The following ST3GAL6 variants were observed in gnomAD, a reference collection of about 807,000 sequenced individuals.
ST3GAL6 encodes ST3 beta-galactoside alpha-2,3-sialyltransferase 6, also known as type 2 lactosamine alpha-2,3-sialyltransferase.
A neutral mutation model predicts 40.5 loss-of-function variants in ST3GAL6; 31 were observed. The ratio of observed to expected loss-of-function variants is 0.77; its 90% CI spans 0.58 to 1.03. The LOEUF is 1.03. Ranked by LOEUF, ST3GAL6 falls within the 50% of genes least tolerant of loss-of-function variation. The pLI is 0.00. For missense variants in ST3GAL6, 357 were observed against 393.2 expected (o/e 0.91, Z 0.78); for synonymous variants, 129 against 136.9 (o/e 0.94, Z 0.40).
chr3:98,743,864 C>T (rs1576031037), intron 1 of ST3GAL6, among the ~76,000 whole-genome samples: 1 of 152,112 alleles, frequency 6.6e-6, no homozygotes, highest in Non-Finnish European at 1.5e-5. Context: ...GCCTTGGGCA[C>T]CCCAACGAGG....
At chr3:98,756,483 C>T in intron 1 of ST3GAL6, 1 of 1,289,016 alleles carries the variant, frequency 7.8e-7, no homozygotes, top group Non-Finnish European at 1.0e-6. Context: ...CCCTCTTTCG[C>T]AAATTCTCCA....
At chr3:98,781,450 A>G (rs1940112425) in intron 5 of ST3GAL6, among the ~76,000 whole-genome samples, 2 of 150,756 alleles carry the variant, frequency 1.3e-5, no homozygotes, top group Admixed American at 6.6e-5. Context: ...CACGTTCTGC[A>G]CATGTATCCC....
intron 1 of ST3GAL6, chr3:98,732,929 CGGTGCG>C: frequency 6.6e-7 from 1 of 1,509,112 alleles, no homozygotes; most frequent in Non-Finnish European, 8.8e-7. Context: ...TCTCGGAGCC[CGGTGCG>C]CCTCTGCGGT....
chr3:98,768,328 T>G, intron 1 of ST3GAL6, 102 bp from the exon 2 acceptor site: 1 of 850,002 alleles, frequency 1.2e-6, no homozygotes, highest in Admixed American at 2.1e-5. Flanking sequence ...CTATAGTTCC[T>G]TTTGTATATT....
intron 5 of ST3GAL6, among the ~76,000 whole-genome samples, chr3:98,781,612 A>G (rs762823248): frequency 7.9e-5 from 12 of 152,102 alleles, no homozygotes; most frequent in Admixed American, 5.2e-4. Flanking sequence ...TTGCCCCTGC[A>G]TGTTCCATGT....
At chr3:98,732,942 C>T in intron 1 of ST3GAL6, 2 of 1,511,766 alleles carry the variant, frequency 1.3e-6, no homozygotes, top group Non-Finnish European at 1.8e-6. Context: ...TGCGCCTCTG[C>T]GGTCGTCGCT....
chr3:98,759,765 G>T (rs1432897422), upstream of ST3GAL6, among the ~76,000 whole-genome samples: 1 of 152,174 alleles, frequency 6.6e-6, no homozygotes, highest in Non-Finnish European at 1.5e-5. Context: ...TGGAAATGTT[G>T]TAAATATGTG....
intron 5 of ST3GAL6, among the ~76,000 whole-genome samples, chr3:98,778,958 CTG>C (rs1410599862): frequency 6.6e-6 from 1 of 152,176 alleles, no homozygotes; most frequent in African/African-American, 2.4e-5. Context: ...GCTGTACAGA[CTG>C]TGGATTGCAC....
intron 7 of ST3GAL6, 44 bp downstream of exon 7, chr3:98,788,266 T>G: frequency 6.3e-6 from 10 of 1,582,688 alleles, no homozygotes; most frequent in Non-Finnish European, 7.7e-6. Flanking sequence ...CCTTTAGTGC[T>G]TTTTTTCCTT....
intron 1 of ST3GAL6, among the ~76,000 whole-genome samples, chr3:98,736,739 A>G (rs1185750307): frequency 1.3e-5 from 2 of 152,234 alleles, no homozygotes; most frequent in African/African-American, 2.4e-5. Context: ...TGGACACAGC[A>G]AAGCCCCTGC....
chr3:98,787,463 C>T (rs1479437797), intron 6 of ST3GAL6, among the ~76,000 whole-genome samples: 1 of 152,178 alleles, frequency 6.6e-6, no homozygotes, highest in Admixed American at 6.5e-5. Flanking sequence ...CATACACAAA[C>T]CCAACAGTAG....
chr3:98,760,421 T>C (rs1270756285), upstream of ST3GAL6, among the ~76,000 whole-genome samples: 1 of 152,234 alleles, frequency 6.6e-6, no homozygotes, highest in Admixed American at 6.5e-5. Flanking sequence ...TTAATTCTCG[T>C]AGCAGATAAT....
chr3:98,769,313 C>T (rs750470118), intron 2 of ST3GAL6, among the ~76,000 whole-genome samples: 26 of 152,276 alleles, frequency 1.7e-4, no homozygotes, highest in African/African-American at 3.1e-4. Flanking sequence ...CATGGAAGGA[C>T]GTTAGGCAAA....
intron 1 of ST3GAL6, among the ~76,000 whole-genome samples, chr3:98,764,624 A>G (rs1026182399): frequency 2.8e-4 from 42 of 152,322 alleles, no homozygotes; most frequent in African/African-American, 9.6e-4. Flanking sequence ...AGTATAACGC[A>G]TGGCCTGTGG....
At chr3:98,760,718 C>A (rs1275546701), upstream of ST3GAL6, among the ~76,000 whole-genome samples, 1 of 152,100 alleles carries the variant, frequency 6.6e-6, no homozygotes, top group African/African-American at 2.4e-5. Flanking sequence ...TACCATATGG[C>A]CCATGAAAAC....
chr3:98,741,746 G>A (rs1409391219), intron 1 of ST3GAL6, among the ~76,000 whole-genome samples: 2 of 152,020 alleles, frequency 1.3e-5, no homozygotes, highest in African/African-American at 4.8e-5. Flanking sequence ...TTGGACTTGG[G>A]GCTTACAATA....
rs1941514269 is a variant in ST3GAL6 at position 98,795,253 on chromosome 3, A to C, written c.*1492A>C. On this transcript the variant is annotated 3_prime_UTR_variant, in exon 10 of 10. Coordinates refer to ENST00000483910, the MANE Select transcript of ST3GAL6 (RefSeq NM_001323368.2). ...TAAATACAATTGGGAAACACTGGAAAACCATGGCTTGATTACTGACAACCA... is the reference window on the plus strand; with the variant it reads ...TAAATACAATTGGGAAACACTGGAACACCATGGCTTGATTACTGACAACCA... 1 of 152,214 alleles carries C rather than the reference A, an allele frequency of 6.6e-6. No homozygotes were observed. The highest frequency in any genetic ancestry group is 1.5e-5 in the Non-Finnish European group (1 of 68,054). The allele number at this position is 152,214 out of a possible 1,614,324, so 9.4% of individuals were successfully genotyped here. A position where few individuals can be genotyped will look rare whatever the true frequency, so the allele number is the denominator to read the frequency against.
At chr3:98,762,083 AG>A (rs1553713180), upstream of ST3GAL6, among the ~76,000 whole-genome samples, 1 of 46,934 alleles carries the variant, frequency 2.1e-5, no homozygotes. Context: ...TGCTAAGGAC[AG>A]TGAAAGCACT....
chr3:98,770,660 C>T (rs1042636151), intron 2 of ST3GAL6, among the ~76,000 whole-genome samples: 1 of 152,200 alleles, frequency 6.6e-6, no homozygotes, highest in African/African-American at 2.4e-5. Context: ...TTGCTCATCA[C>T]CTCAGCTTTT....
Sources: gnomAD v4.1 joint callset for allele counts (sites outside exome capture counted in the v4.1 genomes callset) on GRCh38, gnomAD v4.1.1 for gene constraint, MANE v1.5 for transcripts, NCBI Gene and HGNC (gene_info 2026-07-23, HGNC 2026-07-21) for gene names.